GOLPH3L: variants seen among roughly 807,000 people sequenced by gnomAD.
The protein encoded by GOLPH3L is golgi phosphoprotein 3 like.
Under a neutral mutation model 30.3 loss-of-function variants are expected in GOLPH3L, and 22 were observed. That is an observed-to-expected ratio of 0.73 (90% CI 0.52 to 1.04). The LOEUF is 1.04. Among genes scored for constraint, GOLPH3L ranks in the 50% least tolerant of loss-of-function variants. GOLPH3L has a pLI of 0.00. For synonymous variants in GOLPH3L, 120 were observed against 128.2 expected (o/e 0.94, Z 0.43); for missense variants, 303 against 345.8 (o/e 0.88, Z 0.98).
In GOLPH3L at chr1:150,648,543, T is replaced by A. The variant is rs1650035053; in HGVS notation, c.636A>T (p.Val212=). ...KLQDSVLERW[V]NDPQRMDKRT... ...GCTTGTCCATACGCTGAGGGTCATT[T>A]ACCCACCGCTCTAGTACACTATCTT... Residue 212 remains valine, a synonymous_variant, in exon 5 of 5, where the codon GTA becomes GTT. Coordinates refer to ENST00000271732, the MANE Select transcript of GOLPH3L (RefSeq NM_018178.6). 2 of 1,613,920 alleles carry A rather than the reference T, an allele frequency of 1.2e-6. No homozygotes were observed. The highest frequency in any genetic ancestry group is 1.7e-4 in the Middle Eastern group (1 of 6,060).
chr1:150,666,999 T>G (rs1425695878), intron 2 of GOLPH3L, among the ~76,000 whole-genome samples: 1 of 152,124 alleles, frequency 6.6e-6, no homozygotes, highest in Non-Finnish European at 1.5e-5. Context: ...ACATCTTCCT[T>G]CAGAGGGAAA....
intron 2 of GOLPH3L, among the ~76,000 whole-genome samples, chr1:150,664,479 A>G (rs978384012): frequency 1.1e-4 from 16 of 151,814 alleles, no homozygotes; most frequent in African/African-American, 3.9e-4. Flanking sequence ...TTTGAGATGG[A>G]GGCTTGCTCT....
At chr1:150,688,472 C>T (rs1356128383) in intron 2 of GOLPH3L, among the ~76,000 whole-genome samples, 1 of 152,122 alleles carries the variant, frequency 6.6e-6, no homozygotes, top group Non-Finnish European at 1.5e-5. Context: ...TACCTCCTGG[C>T]GGGGCGCAGT....
intron 2 of GOLPH3L, among the ~76,000 whole-genome samples, chr1:150,693,815 GTGTGTATA>G (rs950063909): frequency 4.6e-5 from 3 of 64,894 alleles, no homozygotes; most frequent in African/African-American, 1.7e-4. Context: ...GTGTGTGTGT[GTGTGTATA>G]TATATATATA....
At chr1:150,657,790 A>T (rs1650277298) in intron 4 of GOLPH3L, among the ~76,000 whole-genome samples, 1 of 152,210 alleles carries the variant, frequency 6.6e-6, no homozygotes, top group Non-Finnish European at 1.5e-5. Context: ...CTCTCCCTAA[A>T]AGAGCAGTTG....
At chr1:150,686,622 T>C (rs967086415) in intron 2 of GOLPH3L, among the ~76,000 whole-genome samples, 7 of 152,210 alleles carry the variant, frequency 4.6e-5, no homozygotes, top group African/African-American at 1.7e-4. Flanking sequence ...AACTGCAAAA[T>C]GTTTTGAAAA....
intron 2 of GOLPH3L, among the ~76,000 whole-genome samples, chr1:150,691,988 T>C (rs183602761): frequency 6.6e-6 from 1 of 152,148 alleles, no homozygotes; most frequent in Non-Finnish European, 1.5e-5. Flanking sequence ...AGTATGTATC[T>C]TTTTGTCTCT....
chr1:150,695,535 G>C (rs1039472269), intron 1 of GOLPH3L, among the ~76,000 whole-genome samples: 1 of 151,764 alleles, frequency 6.6e-6, no homozygotes, highest in East Asian at 1.9e-4. Flanking sequence ...AAGTAAGATG[G>C]AACAACAAAA....
At chr1:150,687,939 T>C (rs1010196906) in intron 2 of GOLPH3L, among the ~76,000 whole-genome samples, 8 of 152,190 alleles carry the variant, frequency 5.3e-5, no homozygotes, top group Non-Finnish European at 1.2e-4. Flanking sequence ...GATTAAACTA[T>C]ATGCAACAAC....
rs781464917 is a variant in GOLPH3L, at chr1:150,648,799, T to G, written c.431-51A>C. 4 of 1,156,846 alleles carry G rather than the reference T, an allele frequency of 3.5e-6. No homozygotes were observed. The South Asian group carries it at 5.3e-5, about 15-fold the overall frequency. The allele number at this position is 1,156,846 out of a possible 1,614,324, so 71.7% of individuals were successfully genotyped here. A position where few individuals can be genotyped will look rare whatever the true frequency, so the allele number is the denominator to read the frequency against. On this transcript the variant is annotated intron_variant, in intron 4 of 4. Coordinates refer to ENST00000271732, the MANE Select transcript of GOLPH3L (RefSeq NM_018178.6). Reference sequence around the variant, plus strand: ...AATGAACTGAAAGAGAAAAGCAAAATGAAACATGTAGTTGTTTGGAAACTT... The same window carrying G: ...AATGAACTGAAAGAGAAAAGCAAAAGGAAACATGTAGTTGTTTGGAAACTT...
At chr1:150,690,936 G>A (rs587716502) in intron 2 of GOLPH3L, among the ~76,000 whole-genome samples, 1 of 152,206 alleles carries the variant, frequency 6.6e-6, no homozygotes, top group Non-Finnish European at 1.5e-5. Context: ...ATTTTGCATT[G>A]TGAAATATAA....
chr1:150,667,780 G>C (rs1650543882), intron 2 of GOLPH3L, among the ~76,000 whole-genome samples: 1 of 151,886 alleles, frequency 6.6e-6, no homozygotes, highest in Non-Finnish European at 1.5e-5. Flanking sequence ...ATTTTTGGTA[G>C]AGATGGGGTT....
chr1:150,658,106 T>G (rs587718975), intron 4 of GOLPH3L, among the ~76,000 whole-genome samples: 1 of 152,348 alleles, frequency 6.6e-6, no homozygotes, highest in East Asian at 1.9e-4. Flanking sequence ...ATGAGCCAGA[T>G]GCCGAGGAAG....
At chr1:150,649,488 G>A (rs1231878000) in intron 4 of GOLPH3L, among the ~76,000 whole-genome samples, 5 of 152,174 alleles carry the variant, frequency 3.3e-5, no homozygotes, top group Non-Finnish European at 5.9e-5. Flanking sequence ...GCAATTACAA[G>A]GTGCTGCTAG....
chr1:150,665,554 A>G (rs1002353822), intron 2 of GOLPH3L, among the ~76,000 whole-genome samples: 4 of 152,082 alleles, frequency 2.6e-5, no homozygotes, highest in African/African-American at 9.7e-5. Flanking sequence ...GAAGTTATGT[A>G]CTTTTAGAAG....
chr1:150,648,457 G>A lies in GOLPH3L; in HGVS notation c.722C>T (p.Ser241Phe). The A allele has an allele frequency of 1.9e-6, 3 of 1,613,920 alleles. No individual in the cohort carries two copies. Among genetic ancestry groups the A allele is most frequent in the Non-Finnish European group, 2.5e-6 (3 of 1,179,794 alleles). ...CACATCATACTTGTCATCTGTCAGA[G>A]AGGAGAAGACATTCTCTAGCACATC... ...SSDVLENVFS[S>F]LTDDKYDVAM... Residue 241 changes from serine to phenylalanine, a missense_variant, in exon 5 of 5, where the codon TCT becomes TTT. Ser to Phe is a radical substitution (Grantham distance 155). Coordinates refer to ENST00000271732, the MANE Select transcript of GOLPH3L (RefSeq NM_018178.6).
At chr1:150,651,690 A>T (rs371586250) in intron 4 of GOLPH3L, among the ~76,000 whole-genome samples, 2 of 151,224 alleles carry the variant, frequency 1.3e-5, no homozygotes, top group African/African-American at 2.4e-5. Flanking sequence ...TGAAAAAATC[A>T]CTCAAGGGAT....
chr1:150,664,729 G>A (rs1650454715), intron 2 of GOLPH3L, among the ~76,000 whole-genome samples: 1 of 152,178 alleles, frequency 6.6e-6, no homozygotes, highest in Non-Finnish European at 1.5e-5. Context: ...TGGGAATACA[G>A]GAGTGAGCCA....
intron 2 of GOLPH3L, among the ~76,000 whole-genome samples, chr1:150,681,672 G>T (rs1650951781): frequency 6.6e-6 from 1 of 151,898 alleles, no homozygotes; most frequent in Admixed American, 6.6e-5. Flanking sequence ...AAAATAATGG[G>T]GTATGTTTAT....
Sources: gnomAD v4.1 joint callset for allele counts (sites outside exome capture counted in the v4.1 genomes callset) on GRCh38, gnomAD v4.1.1 for gene constraint, MANE v1.5 for transcripts, NCBI Gene and HGNC (gene_info 2026-07-23, HGNC 2026-07-21) for gene names.